TET1: variants seen among roughly 807,000 people sequenced by gnomAD.
TET1 encodes the protein methylcytosine dioxygenase TET1.
In TET1, 13 loss-of-function variants were observed where a neutral mutation model predicts 148.7. The ratio of observed to expected loss-of-function variants is 0.09; its 90% CI spans 0.06 to 0.14. The LOEUF is 0.14. Ranked by LOEUF, TET1 falls within the 10% of genes least tolerant of loss-of-function variation. The pLI is 1.00. For missense variants in TET1, 2,182 were observed against 2,553.8 expected (o/e 0.85, Z 3.14); for synonymous variants, 907 against 937.2 (o/e 0.97, Z 0.59).
Position 68,689,273 on chromosome 10 carries a change from G to T in TET1, c.5405-1535G>T, listed in dbSNP as rs535296546. ...GGTTGTAGCATCTGAGAGGAGAACT[G>T]CAGAGCTTCTGAAATTGATCATTAT... is the stretch of plus-strand genomic sequence containing the variant. On this transcript the variant is annotated intron_variant, in intron 11 of 11. Coordinates refer to ENST00000373644, the MANE Select transcript of TET1 (RefSeq NM_030625.3). 3.0e-4 allele frequency among the ~76,000 whole-genome samples: 46 copies of T among 152,298 alleles called. No individual in the cohort carries two copies. The South Asian group carries it at 9.3e-3, about 31-fold the overall frequency.
chr10:68,611,724 G>T (rs1430378823), intron 3 of TET1, among the ~76,000 whole-genome samples: 2 of 146,642 alleles, frequency 1.4e-5, no homozygotes, highest in Admixed American at 6.9e-5. Context: ...TTTTTAGAGG[G>T]AGTCTCGCTC....
At chr10:68,637,518 C>CT (rs34260111) in intron 3 of TET1, among the ~76,000 whole-genome samples, 55,607 of 106,186 alleles carry the variant, frequency 0.52, 15,195 homozygotes, top group South Asian at 0.62. Context: ...GTTTCCTATT[C>CT]TTTTTTTTTT....
intron 2 of TET1, among the ~76,000 whole-genome samples, chr10:68,575,386 AAAATAAATAAAT>A (rs72033179): frequency 6.7e-5 from 10 of 148,724 alleles, no homozygotes; most frequent in Non-Finnish European, 8.9e-5. Context: ...CTCTGTCTCA[AAAATAAATAAAT>A]AAATAAATAA....
At chr10:68,590,116 T>C (rs1383788767) in intron 2 of TET1, among the ~76,000 whole-genome samples, 1 of 152,146 alleles carries the variant, frequency 6.6e-6, no homozygotes, top group Non-Finnish European at 1.5e-5. Flanking sequence ...GCTTTTCTTT[T>C]TTCTTTTTTT....
chr10:68,677,106 G>C (rs1187143816), intron 8 of TET1, among the ~76,000 whole-genome samples: 1 of 152,130 alleles, frequency 6.6e-6, no homozygotes, highest in Admixed American at 6.5e-5. Flanking sequence ...ACTTTTTGGA[G>C]GGCCAAACAA....
chr10:68,618,415 T>G (rs1249627289), intron 3 of TET1, among the ~76,000 whole-genome samples: 2 of 152,198 alleles, frequency 1.3e-5, no homozygotes, highest in African/African-American at 4.8e-5. Flanking sequence ...TCCTTCTTTA[T>G]CTTGCCCTTC....
At chr10:68,639,569 C>T (rs901496317) in intron 3 of TET1, among the ~76,000 whole-genome samples, 5 of 151,758 alleles carry the variant, frequency 3.3e-5, no homozygotes, top group Non-Finnish European at 5.9e-5. Context: ...CCCAGGTTCA[C>T]GTGATCCTCC....
At chr10:68,586,618 G>A (rs1291496408) in intron 2 of TET1, among the ~76,000 whole-genome samples, 3 of 150,950 alleles carry the variant, frequency 2.0e-5, no homozygotes, top group Non-Finnish European at 4.4e-5. Flanking sequence ...CAGGCATGAG[G>A]CACTGTGCCC....
chr10:68,609,402 C>A (rs2054174649), intron 3 of TET1, among the ~76,000 whole-genome samples: 1 of 152,088 alleles, frequency 6.6e-6, no homozygotes, highest in South Asian at 2.1e-4. Flanking sequence ...CTCAGGTGAT[C>A]CACCCTCCTC....
chr10:68,631,767 T>C (rs2054575330), intron 3 of TET1, among the ~76,000 whole-genome samples: 1 of 152,190 alleles, frequency 6.6e-6, no homozygotes, highest in Non-Finnish European at 1.5e-5. Flanking sequence ...TTGCAGCTTA[T>C]GTTCTTAGAA....
intron 7 of TET1, among the ~76,000 whole-genome samples, chr10:68,669,245 C>A (rs1178300527): frequency 7.5e-5 from 3 of 39,760 alleles, no homozygotes; most frequent in Non-Finnish European, 2.3e-4. Context: ...CCCCTCACCA[C>A]CCCCCACAAA....
chr10:68,683,800 T>A (rs1804793374), intron 10 of TET1, among the ~76,000 whole-genome samples: 1 of 152,202 alleles, frequency 6.6e-6, no homozygotes, highest in Non-Finnish European at 1.5e-5. Context: ...CATCTGCACT[T>A]CAGGGTTTTT....
At chr10:68,668,682 C>T (rs2055227272) in intron 7 of TET1, among the ~76,000 whole-genome samples, 1 of 152,228 alleles carries the variant, frequency 6.6e-6, no homozygotes, top group Middle Eastern at 3.4e-3. Flanking sequence ...CGGGTTCAAG[C>T]GATTCTCCTG....
At chr10:68,595,609 C>CTTTTTTT (rs1564958558) in intron 2 of TET1, among the ~76,000 whole-genome samples, 1 of 89,384 alleles carries the variant, frequency 1.1e-5, no homozygotes, top group African/African-American at 5.0e-5. Context: ...ACACACACAG[C>CTTTTTTT]TTCTTTTTTT....
intron 3 of TET1, among the ~76,000 whole-genome samples, chr10:68,609,451 GCC>G (rs2054175896): frequency 6.6e-6 from 1 of 152,100 alleles, no homozygotes; most frequent in Admixed American, 6.6e-5. Context: ...ATGAGCCACT[GCC>G]CCCGGCCAAG....
chr10:68,674,683 T>G (rs183100104), intron 8 of TET1: 3 of 465,100 alleles, frequency 6.5e-6, no homozygotes, highest in Non-Finnish European at 1.2e-5. Context: ...TGGTTGAAGG[T>G]CATGTCAATA....
At chr10:68,667,601 G>A (rs1008939491) in intron 7 of TET1, among the ~76,000 whole-genome samples, 8 of 151,944 alleles carry the variant, frequency 5.3e-5, no homozygotes, top group African/African-American at 1.5e-4. Flanking sequence ...AAAATTAGCC[G>A]GGCGTGGTGG....
At chr10:68,670,219 A>G (rs868491070) in intron 7 of TET1, among the ~76,000 whole-genome samples, 9 of 152,334 alleles carry the variant, frequency 5.9e-5, no homozygotes, top group Middle Eastern at 3.4e-3. Flanking sequence ...TCATATTCAA[A>G]TATCATCCAT....
chr10:68,650,570 G>A (rs1034872220), intron 4 of TET1, among the ~76,000 whole-genome samples: 1 of 152,090 alleles, frequency 6.6e-6, no homozygotes, highest in African/African-American at 2.4e-5. Flanking sequence ...GGCGAAGATT[G>A]CAGTGAGCCA....
Sources: gnomAD v4.1 joint callset for allele counts (sites outside exome capture counted in the v4.1 genomes callset) on GRCh38, gnomAD v4.1.1 for gene constraint, MANE v1.5 for transcripts, NCBI Gene and HGNC (gene_info 2026-07-23, HGNC 2026-07-21) for gene names.